The following CIBAR2 variants were observed in gnomAD, a reference collection of about 807,000 sequenced individuals.
The protein encoded by CIBAR2 is CBY1-interacting BAR domain-containing protein 2.
In CIBAR2, 38 loss-of-function variants were observed where a neutral mutation model predicts 36.2. That is an observed-to-expected ratio of 1.05 (90% CI 0.81 to 1.38). The LOEUF is 1.38. Ranked by LOEUF, CIBAR2 falls within the 40% of genes most tolerant of loss-of-function variation. CIBAR2 has a pLI of 0.00. For missense variants in CIBAR2, 481 were observed against 383.4 expected, an observed-to-expected ratio of 1.25 and a Z score of -2.13; for synonymous variants, 182 against 149.5, an observed-to-expected ratio of 1.22 and a Z score of -1.58.
At chr16:85,107,134 G>A (rs8057632) in intron 5 of CIBAR2, among the ~76,000 whole-genome samples, 33,214 of 151,624 alleles carry the variant, frequency 0.22, 4,404 homozygotes, top group East Asian at 0.36. Flanking sequence ...GCAACAGAGC[G>A]AGACTTTGTC....
At chr16:85,105,579 G>A (rs1404377006) in intron 5 of CIBAR2, 148 bp from the exon 6 acceptor site, 3 of 615,766 alleles carry the variant, frequency 4.9e-6, no homozygotes, top group Admixed American at 2.7e-5. Context: ...GTCATCAAAG[G>A]AATGGCTGAG....
chr16:85,109,839 G>A (rs747978732), intron 2 of CIBAR2, among the ~76,000 whole-genome samples: 2 of 152,080 alleles, frequency 1.3e-5, no homozygotes, highest in Non-Finnish European at 2.9e-5. Context: ...TTTCTGGGCT[G>A]GCAGGAATTT....
chr16:85,112,329 T>C lies in CIBAR2; in HGVS notation c.20+4A>G, dbSNP rs900181014. ...CACAGCCAGGCTGGCGCTGGCCCAC[T>C]CACCTGGAGAAGACGATGTTCATTG... is the stretch of plus-strand genomic sequence containing the variant. On this transcript the variant is annotated splice_donor_region_variant and intron_variant, in intron 1 of 8. Transcript: ENST00000539556. 1.2e-6 allele frequency: 2 copies of C among 1,612,050 alleles called. No individual in the cohort carries two copies. Among genetic ancestry groups the C allele is most frequent in the Admixed American group, 3.3e-5 (2 of 59,942 alleles).
intron 5 of CIBAR2, among the ~76,000 whole-genome samples, chr16:85,105,664 A>C (rs1157445456): frequency 6.6e-6 from 1 of 152,172 alleles, no homozygotes; most frequent in Non-Finnish European, 1.5e-5. Flanking sequence ...CAGGCAAGTC[A>C]CTTACCCTCT....
At chr16:85,111,300 C>T (rs1232677334) in intron 1 of CIBAR2, among the ~76,000 whole-genome samples, 5 of 152,230 alleles carry the variant, frequency 3.3e-5, no homozygotes, top group Non-Finnish European at 2.9e-5. Flanking sequence ...AAACACTCCA[C>T]ATGCACCGCC....
intron 1 of CIBAR2, 102 bp downstream of exon 1, chr16:85,112,231 C>T: frequency 9.4e-7 from 1 of 1,061,516 alleles, no homozygotes; most frequent in Non-Finnish European, 1.4e-6. Flanking sequence ...CCAACCCCCA[C>T]CCCAAGCAGC....
intron 6 of CIBAR2, among the ~76,000 whole-genome samples, chr16:85,102,993 C>A (rs796695635): frequency 1.3e-4 from 19 of 150,626 alleles, no homozygotes; most frequent in African/African-American, 4.2e-4. Flanking sequence ...TCTCCGCCTC[C>A]CGGGTTCAAG....
intron 7 of CIBAR2, among the ~76,000 whole-genome samples, 185 bp downstream of exon 7, chr16:85,102,029 A>G (rs575054506): frequency 2.8e-4 from 42 of 152,214 alleles, no homozygotes; most frequent in Admixed American, 1.5e-3. Flanking sequence ...AAATAGCATT[A>G]AGAAAAATTA....
chr16:85,110,619 G>A (rs539661807), intron 1 of CIBAR2, among the ~76,000 whole-genome samples, 159 bp from the exon 2 acceptor site: 4 of 152,176 alleles, frequency 2.6e-5, no homozygotes, highest in South Asian at 2.1e-4. Flanking sequence ...GCAGCATCAC[G>A]GCCATTGAGG....
chr16:85,104,586 C>T (rs1210966888), intron 6 of CIBAR2, among the ~76,000 whole-genome samples: 2 of 151,996 alleles, frequency 1.3e-5, no homozygotes, highest in African/African-American at 2.4e-5. Flanking sequence ...CGTGGTGGTA[C>T]GTGCCTATAA....
chr16:85,105,265 C>G, intron 6 of CIBAR2, 62 bp downstream of exon 6: 5 of 949,856 alleles, frequency 5.3e-6, no homozygotes, highest in Non-Finnish European at 8.4e-6. Flanking sequence ...CGTGTACACA[C>G]GTGCATGCAC....
chr16:85,111,079 G>A (rs2074039194), intron 1 of CIBAR2, among the ~76,000 whole-genome samples: 1 of 152,062 alleles, frequency 6.6e-6, no homozygotes, highest in South Asian at 2.1e-4. Context: ...ACCGCATTCA[G>A]GCTTCTACGA....
rs1236458713 is a variant in CIBAR2 at position 85,110,431 on chromosome 16, G to T, written c.50C>A (p.Thr17Asn). The T allele has an allele frequency of 6.2e-7, 1 of 1,609,266 alleles. No individual in the cohort carries two copies. The highest frequency in any genetic ancestry group is 1.1e-5 in the South Asian group (1 of 90,838). The part of the protein sequence containing the change: ...RDSQVRVMEN[T>N]VANTEKYFGQ... ...AAAGTACTTCTCGGTGTTGGCCACG[G>T]TATTCTCCATCACCCTCACCTGGCT... Residue 17 changes from threonine (T) to asparagine (N), a missense_variant, in exon 2 of 9, where the codon ACC becomes AAC. Coordinates refer to ENST00000539556, the MANE Select transcript of CIBAR2 (RefSeq NM_198491.3).
Position 85,099,219 on chromosome 16 carries a change from C to T in CIBAR2, c.881G>A (p.Gly294Asp). 6.2e-7 allele frequency: 1 copy of T among 1,604,928 alleles called. No homozygotes were observed. The highest frequency in any genetic ancestry group is 8.5e-7 in the Non-Finnish European group (1 of 1,175,788). ...GQPAHCVCGQ[G>D]GHLMLPGHSL is the part of the protein sequence containing the mutation. Reference sequence around the variant, plus strand: ...ATGTCCTGGAAGCATGAGATGCCCACCCTGCCCACACACACAGTGGGCTGG... The same window carrying T: ...ATGTCCTGGAAGCATGAGATGCCCATCCTGCCCACACACACAGTGGGCTGG... Residue 294 changes from glycine to aspartate, a missense_variant, in exon 9 of 9, where the codon GGT becomes GAT. Transcript: ENST00000539556.
rs186702641 is a variant in CIBAR2 at position 85,103,381 on chromosome 16, G to A, written c.538-1054C>T. On this transcript the variant is annotated intron_variant, in intron 6 of 8. Coordinates refer to ENST00000539556, the MANE Select transcript of CIBAR2 (RefSeq NM_198491.3). Reference sequence around the variant, plus strand: ...ACCCAGCTTAAAGTGTTGTGTTGGCGCAGGCTGGATGGACTAAGACAGGTG... The same window carrying A: ...ACCCAGCTTAAAGTGTTGTGTTGGCACAGGCTGGATGGACTAAGACAGGTG... 3.3e-5 allele frequency among the ~76,000 whole-genome samples: 5 copies of A among 152,166 alleles called. No individual in the cohort carries two copies. The South Asian group carries it at 8.3e-4, about 25-fold the overall frequency.
intron 8 of CIBAR2, among the ~76,000 whole-genome samples, chr16:85,099,797 C>CTTTTTT (rs71386075): frequency 1.3e-5 from 1 of 77,530 alleles, no homozygotes; most frequent in Non-Finnish European, 2.4e-5. Flanking sequence ...CTAATTTTTG[C>CTTTTTT]TTTTTTTTTT....
Position 85,110,283 on chromosome 16 carries a change from GGCCC to G in CIBAR2, c.194_197del (p.Arg65ProfsTer3). On this transcript the variant is annotated frameshift_variant, in exon 2 of 9. Coordinates refer to ENST00000539556, the MANE Select transcript of CIBAR2 (RefSeq NM_198491.3). LOFTEE classifies it high-confidence loss of function. ...GGTCCTCAGCGAAGCCCCTCATGGT[GGCCC>G]GCAGCTCGGGGTTCTCGGAGTTGGC... The G allele has an allele frequency of 6.2e-7, 1 of 1,609,264 alleles. No individual in the cohort carries two copies. The highest frequency in any genetic ancestry group is 1.1e-5 in the South Asian group (1 of 90,656).
Position 85,105,436 on chromosome 16 carries a change from C to T in CIBAR2, c.433-5G>A, listed in dbSNP as rs776076575. On this transcript the variant is annotated splice_polypyrimidine_tract_variant and splice_region_variant and intron_variant, in intron 5 of 8. Transcript: ENST00000539556. ...CCTCTGCACTCTGGTCTCTGCCTGG[C>T]CCCAGGGACACAAGACGTAGAAAGT... 3 of 1,609,258 alleles carry T rather than the reference C, an allele frequency of 1.9e-6. No homozygotes were observed. Among genetic ancestry groups the T allele is most frequent in the Non-Finnish European group, 2.6e-6 (3 of 1,175,996 alleles).
chr16:85,105,851 T>C (rs958295044), intron 5 of CIBAR2, among the ~76,000 whole-genome samples: 4 of 152,218 alleles, frequency 2.6e-5, no homozygotes, highest in African/African-American at 9.6e-5. Context: ...TTCGTTCCTT[T>C]GATCAACATC....
Sources: allele counts gnomAD v4.1 joint callset (sites outside exome capture counted in the v4.1 genomes callset), GRCh38; gene constraint gnomAD v4.1.1; transcripts MANE v1.5; gene names NCBI Gene and HGNC (gene_info 2026-07-23, HGNC 2026-07-21).